The following WDFY3 variants were observed in gnomAD, a reference collection of about 807,000 sequenced individuals.
WDFY3 encodes WD repeat and FYVE domain containing 3.
Under a neutral mutation model 409.6 loss-of-function variants are expected in WDFY3, and 66 were observed. The ratio of observed to expected loss-of-function variants is 0.16; its 90% CI spans 0.13 to 0.20. The LOEUF is 0.20. WDFY3 is among the 10% of genes least tolerant of loss of function. The pLI is 1.00. For missense variants in WDFY3, 3,031 were observed against 4,298.1 expected (o/e 0.71, Z 8.24); for synonymous variants, 1,521 against 1,537.1 (o/e 0.99, Z 0.25).
chr4:84,940,756 A>G (rs911169059), intron 1 of WDFY3, among the ~76,000 whole-genome samples: 2 of 152,112 alleles, frequency 1.3e-5, no homozygotes, highest in African/African-American at 4.8e-5. Context: ...TTTTGTGAAC[A>G]TAAATGCAAA....
chr4:84,821,075 A>G lies in WDFY3; in HGVS notation c.1591+9T>C, dbSNP rs767250441. 6.3e-7 allele frequency: 1 copy of G among 1,583,074 alleles called. No homozygotes were observed. Among genetic ancestry groups the G allele is most frequent in the South Asian group, 1.2e-5 (1 of 86,336 alleles). ...TCAAATAAAAATAAAATTACAGACAATACTTTACCTTGTTCATTTAGTGCC... is the reference window on the plus strand; with the variant it reads ...TCAAATAAAAATAAAATTACAGACAGTACTTTACCTTGTTCATTTAGTGCC... On this transcript the variant is annotated intron_variant, in intron 11 of 67. Coordinates refer to ENST00000295888, the MANE Select transcript of WDFY3 (RefSeq NM_014991.6).
intron 39 of WDFY3, among the ~76,000 whole-genome samples, chr4:84,739,666 C>G (rs931821980): frequency 1.3e-5 from 2 of 152,142 alleles, no homozygotes; most frequent in African/African-American, 4.8e-5. Flanking sequence ...CTCCAAAGCA[C>G]TGGGTTGTTC....
chr4:84,859,038 A>C (rs1176167391), intron 4 of WDFY3, among the ~76,000 whole-genome samples: 1 of 152,096 alleles, frequency 6.6e-6, no homozygotes, highest in African/African-American at 2.4e-5. Context: ...AGGATAAAAA[A>C]GACAGACAGG....
intron 57 of WDFY3, 35 bp from the exon 58 acceptor site, chr4:84,696,217 A>G (rs748734306): frequency 3.1e-6 from 5 of 1,596,254 alleles, no homozygotes; most frequent in Non-Finnish European, 1.7e-6. Flanking sequence ...TCACTGGCTG[A>G]CTTCTATTAC....
intron 1 of WDFY3, among the ~76,000 whole-genome samples, chr4:84,934,098 A>G (rs1222092947): frequency 6.6e-6 from 1 of 152,066 alleles, no homozygotes; most frequent in East Asian, 1.9e-4. Flanking sequence ...GAACCTCCAT[A>G]CTGTTCTCTA....
At chr4:84,785,830 C>T (rs1747453573) in intron 24 of WDFY3, 149 bp downstream of exon 24, 2 of 952,330 alleles carry the variant, frequency 2.1e-6, no homozygotes, top group Non-Finnish European at 3.0e-6. Context: ...TTTTGGCCTA[C>T]ATTTGAAGTC....
At chr4:84,817,664 AT>A (rs1753499348) in intron 12 of WDFY3, 79 bp from the exon 13 acceptor site, 1 of 1,297,334 alleles carries the variant, frequency 7.7e-7, no homozygotes, top group Admixed American at 2.5e-5. Context: ...ACATTCAGTT[AT>A]TTTTTGTAGG....
chr4:84,718,638 T>C lies in WDFY3; in HGVS notation c.7606-68A>G, dbSNP rs1734352929. Reference sequence around the variant, plus strand: ...TAAAGATCAATTTTTGTTAGACTACTACGGCATCCCTAGAGCTAAGCATAT... The same window carrying C: ...TAAAGATCAATTTTTGTTAGACTACCACGGCATCCCTAGAGCTAAGCATAT... On this transcript the variant is annotated intron_variant, in intron 47 of 67. Coordinates refer to ENST00000295888, the MANE Select transcript of WDFY3 (RefSeq NM_014991.6). 4 of 1,548,400 alleles carry C rather than the reference T, an allele frequency of 2.6e-6. No individual in the cohort carries two copies. The South Asian group carries it at 4.8e-5, about 19-fold the overall frequency.
At chr4:84,744,111 A>G (rs1738926990) in intron 36 of WDFY3, among the ~76,000 whole-genome samples, 1 of 147,972 alleles carries the variant, frequency 6.8e-6, no homozygotes, top group Admixed American at 6.8e-5. Context: ...TAGTATATAT[A>G]ATATATAAAA....
intron 64 of WDFY3, among the ~76,000 whole-genome samples, chr4:84,680,332 C>T (rs1334935601): frequency 6.6e-6 from 1 of 152,104 alleles, no homozygotes; most frequent in Non-Finnish European, 1.5e-5. Context: ...CTCTATCACC[C>T]AGGCTGGAGT....
At chr4:84,871,696 G>A (rs1762155510) in intron 3 of WDFY3, among the ~76,000 whole-genome samples, 1 of 151,758 alleles carries the variant, frequency 6.6e-6, no homozygotes, top group Non-Finnish European at 1.5e-5. Context: ...GAGTGCAGGT[G>A]CAATCCCAGC....
At chr4:84,702,601 G>T (rs1731225251) in intron 55 of WDFY3, 95 bp from the exon 56 acceptor site, 4 of 1,125,382 alleles carry the variant, frequency 3.6e-6, no homozygotes, top group African/African-American at 3.2e-5. Flanking sequence ...ACTATAGTTG[G>T]TGACATTTCA....
intron 13 of WDFY3, among the ~76,000 whole-genome samples, chr4:84,813,095 G>A (rs930847256): frequency 6.6e-6 from 1 of 152,100 alleles, no homozygotes; most frequent in Non-Finnish European, 1.5e-5. Flanking sequence ...ACATAGTTCT[G>A]TGGTATATGT....
intron 11 of WDFY3, 124 bp from the exon 12 acceptor site, chr4:84,820,310 A>G: frequency 3.0e-6 from 2 of 665,766 alleles, no homozygotes; most frequent in Non-Finnish European, 4.7e-6. Flanking sequence ...GGACAGATAT[A>G]ATATAATCTT....
chr4:84,893,070 C>G (rs2150529031), intron 3 of WDFY3, among the ~76,000 whole-genome samples: 1 of 152,270 alleles, frequency 6.6e-6, no homozygotes, highest in South Asian at 2.1e-4. Context: ...AGTTGGGGAG[C>G]AGAATTAGAG....
intron 3 of WDFY3, among the ~76,000 whole-genome samples, chr4:84,870,138 A>G (rs902997970): frequency 6.6e-6 from 1 of 152,238 alleles, no homozygotes; most frequent in African/African-American, 2.4e-5. Flanking sequence ...TAGGTAATTC[A>G]CGGTACATCC....
intron 4 of WDFY3, among the ~76,000 whole-genome samples, chr4:84,857,400 C>T (rs1759912338): frequency 6.6e-6 from 1 of 152,136 alleles, no homozygotes; most frequent in South Asian, 2.1e-4. Flanking sequence ...TAGGCTATTA[C>T]TTAATAATTC....
chr4:84,696,679 T>A (rs1730208415), intron 57 of WDFY3, 53 bp downstream of exon 57: 1 of 1,568,538 alleles, frequency 6.4e-7, no homozygotes. Flanking sequence ...CTTTGTATTA[T>A]GTTCAATGAC....
intron 5 of WDFY3, chr4:84,844,498 C>G (rs1271433672): frequency 7.8e-7 from 1 of 1,289,496 alleles, no homozygotes; most frequent in African/African-American, 1.5e-5. Context: ...GACAGCAGGG[C>G]ACACTGTTTT....
Sources: gnomAD v4.1 joint callset for allele counts (sites outside exome capture counted in the v4.1 genomes callset) on GRCh38, gnomAD v4.1.1 for gene constraint, MANE v1.5 for transcripts, NCBI Gene and HGNC (gene_info 2026-07-23, HGNC 2026-07-21) for gene names.